Variants in ATP9B observed in about 807,000 individuals in gnomAD.
The protein encoded by ATP9B is ATPase phospholipid transporting 9B, also known as probable phospholipid-transporting ATPase IIB.
A neutral mutation model predicts 146.1 loss-of-function variants in ATP9B; 110 were observed. That is an observed-to-expected ratio of 0.75 (90% CI 0.65 to 0.88). The LOEUF is 0.88. Among genes scored for constraint, ATP9B ranks in the 40% least tolerant of loss-of-function variants. The pLI is 0.00. For synonymous variants in ATP9B, 604 were observed against 569.7 expected (o/e 1.06, Z -0.86); for missense variants, 1,499 against 1,496.4 (o/e 1.00, Z -0.03).
intron 11 of ATP9B, among the ~76,000 whole-genome samples, chr18:79,217,329 C>A (rs1255320648): frequency 1.3e-5 from 2 of 152,166 alleles, no homozygotes; most frequent in African/African-American, 4.8e-5. Context: ...GGACTACAGG[C>A]GTCCACCGCC....
At chr18:79,256,257 C>CTATATATATATATATATATATATATATG (rs2096076403) in intron 12 of ATP9B, among the ~76,000 whole-genome samples, 2 of 100,398 alleles carry the variant, frequency 2.0e-5, no homozygotes, top group African/African-American at 9.3e-5. Flanking sequence ...TTCTAGCTAG[C>CTATATATATATATATATATATATATATG]TATATATATA....
intron 11 of ATP9B, among the ~76,000 whole-genome samples, chr18:79,233,851 A>G (rs1460617809): frequency 6.6e-6 from 1 of 152,210 alleles, no homozygotes; most frequent in African/African-American, 2.4e-5. Context: ...TAAAATATAT[A>G]CTGTATTCTT....
At chr18:79,310,818 A>G (rs1411133254) in intron 15 of ATP9B, among the ~76,000 whole-genome samples, 2 of 152,052 alleles carry the variant, frequency 1.3e-5, no homozygotes, top group Non-Finnish European at 1.5e-5. Context: ...AAAAATACTT[A>G]TCTTTTTATA....
At chr18:79,178,693 C>T (rs147991667) in intron 8 of ATP9B, among the ~76,000 whole-genome samples, 169 of 152,156 alleles carry the variant, frequency 1.1e-3, no homozygotes, top group Admixed American at 2.2e-3. Context: ...TTACACCAGC[C>T]TTGTATTACT....
At chr18:79,214,305 T>A (rs1318449145) in intron 11 of ATP9B, among the ~76,000 whole-genome samples, 1 of 152,236 alleles carries the variant, frequency 6.6e-6, no homozygotes, top group African/African-American at 2.4e-5. Context: ...TTGCCCGTAA[T>A]TTGACAGTTA....
intron 2 of ATP9B, among the ~76,000 whole-genome samples, chr18:79,102,722 G>C (rs1006998252): frequency 1.3e-5 from 2 of 151,966 alleles, no homozygotes; most frequent in South Asian, 2.1e-4. Context: ...TTATTAGTTT[G>C]GGGGGGATTG....
intron 15 of ATP9B, among the ~76,000 whole-genome samples, chr18:79,321,733 A>G (rs183934263): frequency 1.3e-5 from 2 of 152,356 alleles, no homozygotes; most frequent in African/African-American, 4.8e-5. Context: ...AGGTATAAGA[A>G]GCTAAACTGA....
chr18:79,317,488 G>T (rs1052639105), intron 15 of ATP9B, among the ~76,000 whole-genome samples: 1 of 152,118 alleles, frequency 6.6e-6, no homozygotes, highest in Non-Finnish European at 1.5e-5. Flanking sequence ...ATTGGCAAAA[G>T]ATTTGAACAG....
intron 4 of ATP9B, among the ~76,000 whole-genome samples, chr18:79,124,770 G>T (rs561087234): frequency 1.3e-5 from 2 of 152,196 alleles, no homozygotes; most frequent in African/African-American, 4.8e-5. Context: ...GCCTGCGTCC[G>T]GCTGGGGTGC....
chr18:79,092,315 T>C (rs1178623579), intron 1 of ATP9B, among the ~76,000 whole-genome samples: 7 of 152,172 alleles, frequency 4.6e-5, no homozygotes, highest in Non-Finnish European at 1.0e-4. Flanking sequence ...GGCTACAAAC[T>C]TGTGCAGCAT....
chr18:79,138,745 C>A (rs942987196), intron 5 of ATP9B, among the ~76,000 whole-genome samples: 29 of 150,694 alleles, frequency 1.9e-4, no homozygotes, highest in African/African-American at 6.8e-4. Context: ...AGTATTAGAA[C>A]CTTCTGTTCA....
chr18:79,129,389 G>A (rs561617860), intron 5 of ATP9B, among the ~76,000 whole-genome samples: 5 of 152,284 alleles, frequency 3.3e-5, no homozygotes, highest in Non-Finnish European at 7.4e-5. Context: ...AAGAAGGAAG[G>A]GAAGGATGCA....
At chr18:79,166,191 A>G (rs2094961872) in intron 7 of ATP9B, among the ~76,000 whole-genome samples, 1 of 152,204 alleles carries the variant, frequency 6.6e-6, no homozygotes, top group African/African-American at 2.4e-5. Context: ...GATGTCGTTG[A>G]GAACACTGGA....
At chr18:79,144,709 A>C (rs2094556001) in intron 6 of ATP9B, 1 of 150,930 alleles carries the variant, frequency 6.6e-6, no homozygotes, top group African/African-American at 2.5e-5. Context: ...CTAAATAGTT[A>C]TACTGTCTTT....
intron 15 of ATP9B, among the ~76,000 whole-genome samples, chr18:79,313,776 C>G (rs1392237174): frequency 1.3e-5 from 2 of 152,102 alleles, no homozygotes; most frequent in Non-Finnish European, 2.9e-5. Flanking sequence ...TTTTACTTGT[C>G]TAAAATGTCT....
intron 26 of ATP9B, among the ~76,000 whole-genome samples, chr18:79,371,198 C>T (rs2097067371): frequency 6.6e-6 from 1 of 152,012 alleles, no homozygotes; most frequent in African/African-American, 2.4e-5. Context: ...ATGGTGAAAC[C>T]CCCTCTCTAC....
intron 5 of ATP9B, among the ~76,000 whole-genome samples, chr18:79,137,775 C>A (rs746891525): frequency 2.0e-5 from 3 of 152,180 alleles, no homozygotes; most frequent in Non-Finnish European, 4.4e-5. Context: ...CTTTTCTAGG[C>A]GTCCTCTCCT....
intron 1 of ATP9B, among the ~76,000 whole-genome samples, chr18:79,070,603 T>C (rs1181513995): frequency 6.6e-6 from 1 of 152,222 alleles, no homozygotes; most frequent in African/African-American, 2.4e-5. Flanking sequence ...TTTTAGGAGT[T>C]CTTTAGTTGG....
chr18:79,189,353 A>G (rs1030528790), intron 8 of ATP9B, among the ~76,000 whole-genome samples: 1 of 151,912 alleles, frequency 6.6e-6, no homozygotes, highest in African/African-American at 2.4e-5. Context: ...TCAAAAAAAA[A>G]AGATAATTTT....
Sources: allele counts gnomAD v4.1 joint callset (sites outside exome capture counted in the v4.1 genomes callset), GRCh38; gene constraint gnomAD v4.1.1; transcripts MANE v1.5; gene names NCBI Gene and HGNC (gene_info 2026-07-23, HGNC 2026-07-21).